Variants in KIAA1217 observed in about 807,000 individuals in gnomAD.
The protein encoded by KIAA1217 is sickle tail protein homolog.
In KIAA1217, 88 loss-of-function variants were observed where a neutral mutation model predicts 163.9. That is an observed-to-expected ratio of 0.54 (90% confidence interval 0.45 to 0.64). The LOEUF is 0.64. Ranked by LOEUF, KIAA1217 falls within the 30% of genes least tolerant of loss-of-function variation. KIAA1217 has a pLI of 0.00. For synonymous variants in KIAA1217, 903 were observed against 923.1 expected (o/e 0.98, Z 0.39); for missense variants, 2,372 against 2,475.0 (o/e 0.96, Z 0.88).
chr10:24,286,107 T>C (rs1303816788), intron 2 of KIAA1217, among the ~76,000 whole-genome samples: 1 of 152,188 alleles, frequency 6.6e-6, no homozygotes, highest in East Asian at 1.9e-4. Flanking sequence ...CTAGGAGCCT[T>C]TTGGCAAAGT....
intron 2 of KIAA1217, among the ~76,000 whole-genome samples, chr10:24,353,756 A>G (rs765835314): frequency 5.3e-5 from 8 of 152,168 alleles, no homozygotes; most frequent in Non-Finnish European, 1.0e-4. Context: ...TTAGAGTGGA[A>G]TTGTTATGAG....
At chr10:24,511,307 A>G (rs2069131658) in intron 9 of KIAA1217, among the ~76,000 whole-genome samples, 1 of 152,076 alleles carries the variant, frequency 6.6e-6, no homozygotes, top group African/African-American at 2.4e-5. Context: ...GCAGCCAGAG[A>G]GAGCATAGGA....
At chr10:23,927,281 G>T (rs1843061792) in intron 1 of KIAA1217, among the ~76,000 whole-genome samples, 1 of 151,148 alleles carries the variant, frequency 6.6e-6, no homozygotes, top group Admixed American at 6.6e-5. Context: ...TGTTCCAGCA[G>T]TAGTTCCATT....
At chr10:24,098,722 A>AGTGTGTGTGT (rs1189629391) in intron 2 of KIAA1217, among the ~76,000 whole-genome samples, 41 of 111,234 alleles carry the variant, frequency 3.7e-4, no homozygotes, top group African/African-American at 2.4e-3. Flanking sequence ...TCTGAAGGGG[A>AGTGTGTGTGT]GCGTGTGTGT....
At chr10:23,852,802 T>G (rs11511081) in intron 1 of KIAA1217, among the ~76,000 whole-genome samples, 27,076 of 152,114 alleles carry the variant, frequency 0.18, 2,537 homozygotes, top group Middle Eastern at 0.21. Context: ...TCACTCATGA[T>G]TTGGCTCTCT....
At chr10:24,120,837 A>G (rs926867794) in intron 2 of KIAA1217, among the ~76,000 whole-genome samples, 1 of 152,218 alleles carries the variant, frequency 6.6e-6, no homozygotes, top group Non-Finnish European at 1.5e-5. Context: ...CCTATATTCC[A>G]GTCATATCTG....
At chr10:24,489,086 A>G (rs1304744891) in intron 6 of KIAA1217, among the ~76,000 whole-genome samples, 1 of 152,180 alleles carries the variant, frequency 6.6e-6, no homozygotes, top group East Asian at 1.9e-4. Flanking sequence ...AAATTGCAAA[A>G]TTTAGAACTA....
At chr10:23,954,717 A>C (rs529820380) in intron 1 of KIAA1217, among the ~76,000 whole-genome samples, 1 of 152,258 alleles carries the variant, frequency 6.6e-6, no homozygotes, top group South Asian at 2.1e-4. Flanking sequence ...TATGCTGGGA[A>C]CTTGACATGT....
At chr10:23,822,783 A>G (rs113345718) in intron 1 of KIAA1217, among the ~76,000 whole-genome samples, 1 of 152,214 alleles carries the variant, frequency 6.6e-6, no homozygotes, top group African/African-American at 2.4e-5. Context: ...GTTTTGTAAG[A>G]ATAAGAATGA....
intron 1 of KIAA1217, among the ~76,000 whole-genome samples, chr10:23,961,307 C>T (rs903375363): frequency 6.6e-6 from 1 of 152,128 alleles, no homozygotes; most frequent in Non-Finnish European, 1.5e-5. Context: ...TTTTGAGGAC[C>T]TTATTATCCA....
chr10:23,991,061 G>T lies in KIAA1217; in HGVS notation c.-320-16164G>T, dbSNP rs552143156. Among the ~76,000 whole-genome samples the T allele has an allele frequency of 7.2e-5, 11 of 152,280 alleles. No homozygotes were observed. The South Asian group carries it at 1.5e-3, about 20-fold the overall frequency. ...CACATGCAAAGCCAAGTGTGAAATG[G>T]TGCCTTTCTGCTTAAATGACATTTA... On this transcript the variant is annotated intron_variant, in intron 1 of 18. Coordinates refer to the KIAA1217 transcript ENST00000376462.
intron 1 of KIAA1217, among the ~76,000 whole-genome samples, chr10:24,216,237 G>A (rs1362602269): frequency 1.3e-5 from 2 of 152,124 alleles, no homozygotes; most frequent in African/African-American, 4.8e-5. Flanking sequence ...AAGAAAGAGG[G>A]TTTATTGTCC....
chr10:23,851,456 A>G (rs1287297665), intron 1 of KIAA1217, among the ~76,000 whole-genome samples: 1 of 152,192 alleles, frequency 6.6e-6, no homozygotes, highest in Non-Finnish European at 1.5e-5. Flanking sequence ...TATTGTGAAT[A>G]GTGCCACAAT....
chr10:24,139,047 C>G (rs2131827528), intron 2 of KIAA1217, among the ~76,000 whole-genome samples: 1 of 152,130 alleles, frequency 6.6e-6, no homozygotes, highest in South Asian at 2.1e-4. Context: ...AAACCTTTGT[C>G]ATATTTGGGT....
intron 1 of KIAA1217, among the ~76,000 whole-genome samples, chr10:23,838,257 T>C (rs918105134): frequency 6.6e-6 from 1 of 152,204 alleles, no homozygotes; most frequent in African/African-American, 2.4e-5. Flanking sequence ...GCTTAAGACT[T>C]TGGAAAAATG....
chr10:24,285,967 G>A (rs994523116), intron 2 of KIAA1217, among the ~76,000 whole-genome samples: 6 of 152,070 alleles, frequency 3.9e-5, no homozygotes, highest in Non-Finnish European at 5.9e-5. Flanking sequence ...GTGTGTGTGT[G>A]TGGCTATTGT....
rs1201128266 is a variant in KIAA1217 at position 24,524,681 on chromosome 10, C to T, written c.2815C>T (p.Pro939Ser). The change falls in exon 13 of 21, where the codon CCC becomes TCC. Residue 939 changes from proline (P) to serine (S), a missense_variant. Transcript: ENST00000376454. Reference protein sequence around the residue: ...MSQAPQSPQIPMNGSAMQSLF... With the variant: ...MSQAPQSPQISMNGSAMQSLF... ...GCAGGCTCCGCAGTCCCCACAGATA[C>T]CCATGAATGGGTCTGCCATGCAGAG... The T allele has an allele frequency of 6.2e-7, 1 of 1,613,982 alleles. No homozygotes were observed. The highest frequency in any genetic ancestry group is 1.3e-5 in the African/African-American group (1 of 74,942).
intron 2 of KIAA1217, among the ~76,000 whole-genome samples, chr10:24,167,699 A>G (rs902974265): frequency 6.6e-6 from 1 of 152,046 alleles, no homozygotes; most frequent in East Asian, 1.9e-4. Flanking sequence ...CCCCTCCCTC[A>G]CACAAACTCA....
chr10:24,105,197 G>A (rs1308357177), intron 2 of KIAA1217, among the ~76,000 whole-genome samples: 3 of 151,890 alleles, frequency 2.0e-5, no homozygotes, highest in Admixed American at 2.0e-4. Context: ...GACTCACAGA[G>A]GCAAAAAAAG....
Sources: gnomAD v4.1 joint callset for allele counts (sites outside exome capture counted in the v4.1 genomes callset) on GRCh38, gnomAD v4.1.1 for gene constraint, MANE v1.5 for transcripts, NCBI Gene and HGNC (gene_info 2026-07-23, HGNC 2026-07-21) for gene names.